DLGAP2: variants seen among roughly 807,000 people sequenced by gnomAD.
DLGAP2 encodes disks large-associated protein 2.
Under a neutral mutation model 100.3 loss-of-function variants are expected in DLGAP2, and 26 were observed. The ratio of observed to expected loss-of-function variants is 0.26; its 90% CI spans 0.19 to 0.36. The LOEUF is 0.36. Ranked by LOEUF, DLGAP2 falls within the 10% of genes least tolerant of loss-of-function variation. The pLI is 1.00. For synonymous variants in DLGAP2, 886 were observed against 630.1 expected (o/e 1.41, Z -6.08); for missense variants, 1,858 against 1,453.2 (o/e 1.28, Z -4.53).
chr8:975,287 G>T (rs1459160811), intron 2 of DLGAP2, among the ~76,000 whole-genome samples: 1 of 152,096 alleles, frequency 6.6e-6, no homozygotes, highest in African/African-American at 2.4e-5. Flanking sequence ...GCCCGCATGG[G>T]TTCATTGGTG....
chr8:1,389,020 G>A (rs1796284494), intron 3 of DLGAP2, among the ~76,000 whole-genome samples: 2 of 149,352 alleles, frequency 1.3e-5, no homozygotes, highest in Admixed American at 6.7e-5. Flanking sequence ...AGAGGCCGTG[G>A]ATGAGGAGGC....
intron 3 of DLGAP2, among the ~76,000 whole-genome samples, chr8:1,436,908 C>T (rs897382822): frequency 1.3e-5 from 2 of 152,246 alleles, no homozygotes; most frequent in Admixed American, 6.5e-5. Context: ...AACTTCTTAC[C>T]CCTGTGTTAC....
chr8:1,503,673 C>G (rs1284970095), intron 4 of DLGAP2, among the ~76,000 whole-genome samples: 1 of 152,102 alleles, frequency 6.6e-6, no homozygotes, highest in South Asian at 2.1e-4. Flanking sequence ...GATGCTTCCT[C>G]GTTTTGAGGA....
intron 3 of DLGAP2, among the ~76,000 whole-genome samples, chr8:1,328,064 G>A (rs931792913): frequency 6.6e-6 from 1 of 151,880 alleles, no homozygotes; most frequent in African/African-American, 2.4e-5. Context: ...TTTGGAGACA[G>A]AGTCTCACTC....
chr8:1,343,221 C>T (rs547979608), intron 3 of DLGAP2, among the ~76,000 whole-genome samples: 15 of 152,232 alleles, frequency 9.9e-5, no homozygotes, highest in South Asian at 8.3e-4. Flanking sequence ...AAAAGGGCAC[C>T]GATTAAGTCC....
chr8:973,019 T>C (rs778799930), intron 2 of DLGAP2, among the ~76,000 whole-genome samples: 15 of 152,266 alleles, frequency 9.9e-5, no homozygotes, highest in Non-Finnish European at 2.1e-4. Context: ...TCTACTTCTT[T>C]CTACACAGAC....
intron 2 of DLGAP2, among the ~76,000 whole-genome samples, chr8:1,230,753 G>A (rs558912471): frequency 6.6e-6 from 1 of 152,272 alleles, no homozygotes; most frequent in South Asian, 2.1e-4. Context: ...AATAAGCAAT[G>A]GGGAAAGGGC....
At chr8:1,291,516 CCCATGA>C (rs1448454289) in intron 3 of DLGAP2, among the ~76,000 whole-genome samples, 1 of 152,146 alleles carries the variant, frequency 6.6e-6, no homozygotes, top group Non-Finnish European at 1.5e-5. Context: ...GGAGGAGAAG[CCCATGA>C]CACAGAGGGT....
chr8:1,371,394 G>T (rs1441045101), intron 3 of DLGAP2, among the ~76,000 whole-genome samples: 1 of 152,228 alleles, frequency 6.6e-6, no homozygotes, highest in East Asian at 1.9e-4. Context: ...CCGCTTGGCA[G>T]AAGTCAGGCG....
At chr8:804,575 C>G (rs546533640) in intron 1 of DLGAP2, among the ~76,000 whole-genome samples, 3 of 152,158 alleles carry the variant, frequency 2.0e-5, no homozygotes, top group Non-Finnish European at 4.4e-5. Flanking sequence ...TGTGCTTATT[C>G]GAAGAAATGA....
chr8:780,462 C>T (rs980704671), intron 1 of DLGAP2, among the ~76,000 whole-genome samples: 2 of 152,210 alleles, frequency 1.3e-5, no homozygotes, highest in Admixed American at 1.3e-4. Context: ...GTGGTACAGA[C>T]ATCTCAACGT....
intron 2 of DLGAP2, among the ~76,000 whole-genome samples, chr8:1,210,135 C>G (rs1025080543): frequency 6.6e-6 from 1 of 152,050 alleles, no homozygotes; most frequent in Non-Finnish European, 1.5e-5. Context: ...TAGTGGTGGC[C>G]AGATTTACAC....
chr8:837,228 A>C (rs961316803), intron 1 of DLGAP2, among the ~76,000 whole-genome samples: 2 of 152,166 alleles, frequency 1.3e-5, no homozygotes, highest in African/African-American at 4.8e-5. Context: ...TGCTGCTGGC[A>C]TGAGCTCGGC....
chr8:962,915 C>G (rs1200009511), intron 2 of DLGAP2, among the ~76,000 whole-genome samples: 2 of 152,192 alleles, frequency 1.3e-5, no homozygotes, highest in East Asian at 1.9e-4. Flanking sequence ...TCCCTCCATG[C>G]TGAGGTACCG....
intron 2 of DLGAP2, among the ~76,000 whole-genome samples, chr8:983,478 G>A (rs771349758): frequency 5.9e-5 from 9 of 152,158 alleles, no homozygotes; most frequent in African/African-American, 2.2e-4. Flanking sequence ...TAGAATCCAC[G>A]TGTTGGTGGA....
intron 2 of DLGAP2, among the ~76,000 whole-genome samples, chr8:1,234,151 C>A (rs1798594408): frequency 6.6e-6 from 1 of 152,224 alleles, no homozygotes; most frequent in Non-Finnish European, 1.5e-5. Flanking sequence ...CTTCTCCTGT[C>A]CTCCCTCGAA....
intron 3 of DLGAP2, among the ~76,000 whole-genome samples, chr8:1,283,197 A>G (rs1168573119): frequency 2.8e-4 from 37 of 132,080 alleles, no homozygotes; most frequent in African/African-American, 9.5e-4. Context: ...TGAACCATCC[A>G]GACGTGGTGT....
chr8:1,091,331 A>G (rs1279763572), intron 2 of DLGAP2, among the ~76,000 whole-genome samples: 1 of 152,244 alleles, frequency 6.6e-6, no homozygotes, highest in East Asian at 1.9e-4. Context: ...AAAAATGTTC[A>G]GAAGCGTCTG....
At position 1,548,484 on chromosome 8, in the gene DLGAP2, A is replaced by AAC. The variant is rs397734475; in HGVS notation, c.173-142_173-141insAC. 1.1e-4 allele frequency: 54 copies of AAC among 510,122 alleles called. 1 individual carries two copies. The highest frequency in any genetic ancestry group is 4.3e-4 in the Admixed American group (10 of 23,250). The allele number at this position is 510,122 out of a possible 1,614,324, so 31.6% of individuals were successfully genotyped here. ...AAAAAAAAAAAAAAAAAAAAAAAAA[A>AAC]CCCACAAATCTGCCCTCTCGAGTGC... On this transcript the variant is annotated intron_variant, in intron 4 of 14. Coordinates refer to ENST00000637795, the MANE Select transcript of DLGAP2 (RefSeq NM_001346810.2).
Sources: gnomAD v4.1 joint callset for allele counts (sites outside exome capture counted in the v4.1 genomes callset) on GRCh38, gnomAD v4.1.1 for gene constraint, MANE v1.5 for transcripts, NCBI Gene and HGNC (gene_info 2026-07-23, HGNC 2026-07-21) for gene names.